SFMBT1: variants seen among roughly 807,000 people sequenced by gnomAD.
SFMBT1 encodes the protein scm-like with four MBT domains protein 1.
SFMBT1 carries 32 observed loss-of-function variants against 108.7 expected under a neutral mutation model. That is an observed-to-expected ratio of 0.29 (90% CI 0.22 to 0.40). SFMBT1 has a LOEUF of 0.40. Among genes scored for constraint, SFMBT1 ranks in the 10% least tolerant of loss-of-function variants. The pLI is 1.00. For synonymous variants in SFMBT1, 348 were observed against 369.5 expected, an observed-to-expected ratio of 0.94 and a Z score of 0.67; for missense variants, 816 against 1,059.6, an observed-to-expected ratio of 0.77 and a Z score of 3.19.
intron 3 of SFMBT1, among the ~76,000 whole-genome samples, chr3:52,944,337 C>A (rs1575391611): frequency 6.6e-6 from 1 of 152,030 alleles, no homozygotes; most frequent in Admixed American, 6.6e-5. Flanking sequence ...GATTGGTAGG[C>A]AGATAGAGAC....
At position 52,913,542 on chromosome 3, in the gene SFMBT1, T is replaced by G. The variant is rs1702265918; in HGVS notation, c.1556A>C (p.Lys519Thr). The change falls in exon 15 of 21, where the codon AAA becomes ACA. Residue 519 changes from lysine (K) to threonine (T), a missense_variant. Lys to Thr is a moderately conservative substitution (Grantham distance 78). Around this residue, in one of 5 missense-constraint regions of SFMBT1, gnomAD observed 16 missense variants for 57.5 expected, o/e 0.28. Coordinates refer to ENST00000394752, the MANE Select transcript of SFMBT1 (RefSeq NM_016329.4). ...TTGAGGCAGCTCAGCAATTCTTCCT[T>G]TGTTAAGATATGGCCCTGAGAAGCA... is the stretch of plus-strand genomic sequence containing the variant. ...HRCFSGPYLNKGRIAELPQCV... is the reference protein window; with the variant it reads ...HRCFSGPYLNTGRIAELPQCV... 6.2e-7 allele frequency: 1 copy of G among 1,614,068 alleles called. No homozygotes were observed. The highest frequency in any genetic ancestry group is 8.5e-7 in the Non-Finnish European group (1 of 1,180,022).
intron 9 of SFMBT1, among the ~76,000 whole-genome samples, chr3:52,927,871 C>T (rs1308639824): frequency 1.3e-5 from 2 of 152,134 alleles, no homozygotes; most frequent in Non-Finnish European, 2.9e-5. Context: ...TCTGCCACCC[C>T]TAACAGACAT....
intron 1 of SFMBT1, among the ~76,000 whole-genome samples, chr3:52,969,734 C>T (rs889048141): frequency 6.6e-6 from 1 of 152,102 alleles, no homozygotes; most frequent in African/African-American, 2.4e-5. Flanking sequence ...CCATAAATAT[C>T]AACTGTATTA....
Position 52,965,758 on chromosome 3 carries a change from G to C in SFMBT1, c.28+3343C>G, listed in dbSNP as rs1174033750. Among the ~76,000 whole-genome samples, 4 of 152,104 alleles carry C rather than the reference G, an allele frequency of 2.6e-5. No individual in the cohort carries two copies. In the South Asian group the frequency reaches 8.3e-4, roughly 31 times the overall value. On this transcript the variant is annotated intron_variant, in intron 2 of 20. Transcript: ENST00000394752. ...GCGGTGGCTCAGGCCTGTAATCCTA[G>C]CACTTTGGGAGGCCGAGGCGGGCAG...
chr3:52,986,145 GAAAA>G (rs34923532), intron 1 of SFMBT1, among the ~76,000 whole-genome samples: 1 of 130,186 alleles, frequency 7.7e-6, no homozygotes, highest in Non-Finnish European at 1.6e-5. Context: ...TCCGTCTCAG[GAAAA>G]AAAAAAAAAA....
chr3:52,906,215 C>T lies in SFMBT1; in HGVS notation c.2358G>A (p.Arg786=), dbSNP rs1448074961. The change falls in exon 20 of 21, where the codon AGG becomes AGA. Residue 786 remains arginine (R), a synonymous_variant. Coordinates refer to ENST00000394752, the MANE Select transcript of SFMBT1 (RefSeq NM_016329.4). ...PKEIRIEVAE[R]LHLDSNPLKW... is the part of the protein sequence containing the mutation. ...TCAAGGGGTTACTGTCCAGGTGAAGCCTTTCAGCAACTTCGATCCTTATTT... is the reference window on the plus strand; with the variant it reads ...TCAAGGGGTTACTGTCCAGGTGAAGTCTTTCAGCAACTTCGATCCTTATTT... The T allele has an allele frequency of 1.2e-6, 2 of 1,613,978 alleles. No homozygotes were observed. The highest frequency in any genetic ancestry group is 1.3e-5 in the African/African-American group (1 of 74,928).
chr3:52,930,906 G>T, intron 7 of SFMBT1, 35 bp downstream of exon 7: 2 of 1,571,026 alleles, frequency 1.3e-6, no homozygotes, highest in South Asian at 2.2e-5. Flanking sequence ...ACTGTAAGGG[G>T]AGCAATACCG....
chr3:52,960,820 G>A (rs950206344), intron 2 of SFMBT1, among the ~76,000 whole-genome samples: 9 of 152,138 alleles, frequency 5.9e-5, no homozygotes, highest in Non-Finnish European at 1.2e-4. Context: ...ACATACAATG[G>A]AATATTATTT....
chr3:52,912,156 C>T (rs1702231684), intron 16 of SFMBT1, among the ~76,000 whole-genome samples: 2 of 151,992 alleles, frequency 1.3e-5, no homozygotes, highest in Non-Finnish European at 2.9e-5. Context: ...CTGATATTAT[C>T]CACAGAACTG....
chr3:53,000,038 A>G (rs562009098), intron 1 of SFMBT1, among the ~76,000 whole-genome samples: 29 of 149,668 alleles, frequency 1.9e-4, no homozygotes, highest in African/African-American at 7.0e-4. Context: ...AATTTTTTGT[A>G]TTTTTAGTAG....
At position 52,950,157 on chromosome 3, in the gene SFMBT1, CCTT is replaced by C. The variant is rs199841213; in HGVS notation, c.123+4157_123+4159del. On this transcript the variant is annotated intron_variant, in intron 3 of 20. Transcript: ENST00000394752. ...ATATGTTAGTGTTTTCTATTTGTTG[CCTT>C]CTTCTTTGTTTCCATTTTGTCTTTC... is the stretch of plus-strand genomic sequence containing the variant. Among the ~76,000 whole-genome samples, 923 of 152,144 alleles carry C rather than the reference CCTT, an allele frequency of 6.1e-3. 79 individuals carry two copies. In the South Asian group the frequency reaches 0.17, roughly 28 times the overall value.
At position 53,034,926 on chromosome 3, in the gene SFMBT1, G is replaced by A. The variant is rs149876415; in HGVS notation, c.-131+10890C>T. ...TGCACTCCAGTCTGGGCGACAGAGCGAGACTCTGTCTCAAAATAATGATAA... is the reference window on the plus strand; with the variant it reads ...TGCACTCCAGTCTGGGCGACAGAGCAAGACTCTGTCTCAAAATAATGATAA... On this transcript the variant is annotated intron_variant, in intron 1 of 20. Transcript: ENST00000394752. Among the ~76,000 whole-genome samples, 730 of 152,318 alleles carry A rather than the reference G, an allele frequency of 4.8e-3. 8 individuals are homozygous for A. Among genetic ancestry groups the A allele is most frequent in the African/African-American group, 0.017 (692 of 41,564 alleles).
intron 1 of SFMBT1, among the ~76,000 whole-genome samples, chr3:53,045,565 G>A (rs1187487347): frequency 1.4e-5 from 2 of 141,984 alleles, no homozygotes; most frequent in African/African-American, 5.0e-5. Flanking sequence ...GCAGCCGGCC[G>A]GCCGGCGCGC....
In SFMBT1 at chr3:52,954,352, C is replaced by G; in HGVS notation, c.88G>C (p.Gly30Arg). The G allele has an allele frequency of 6.2e-7, 1 of 1,613,866 alleles. No homozygotes were observed. The highest frequency in any genetic ancestry group is 8.5e-7 in the Non-Finnish European group (1 of 1,179,918). ...LSWEDYLEET[G>R]STAVPYGSFK... ...GACCCATAGGGAACTGCTGTGGACC[C>G]TGTTTCTTCTAGATAATCTTCCCAG... is the stretch of plus-strand genomic sequence containing the variant. Residue 30 changes from glycine to arginine, a missense_variant, in exon 3 of 21, where the codon GGG becomes CGG. By Grantham distance (125) the Gly-to-Arg change is moderately radical (BLOSUM62 -2). This residue lies in a region of SFMBT1 where 495 missense variants were observed against 607.4 expected (regional missense o/e 0.81). Coordinates refer to ENST00000394752, the MANE Select transcript of SFMBT1 (RefSeq NM_016329.4).
In SFMBT1 at chr3:53,006,628, C is replaced by CAAAAAAAA. The variant is rs145854514; in HGVS notation, c.-130-37378_-130-37371dup. Among the ~76,000 whole-genome samples the CAAAAAAAA allele has an allele frequency of 3.6e-4, 45 of 126,334 alleles. 1 individual carries two copies. The highest frequency in any genetic ancestry group is 1.5e-3 in the African/African-American group (44 of 29,764). 82.9% of individuals were successfully genotyped at this position (126,334 alleles called of 152,430 possible). ...TGGGCGACAGAGCAAAACTCCGTCT[C>CAAAAAAAA]AAAAAAAAAAAAAGTATACAGGAGG... On this transcript the variant is annotated intron_variant, in intron 1 of 20. Coordinates refer to ENST00000394752, the MANE Select transcript of SFMBT1 (RefSeq NM_016329.4).
intron 4 of SFMBT1, among the ~76,000 whole-genome samples, chr3:52,941,144 C>G (rs949510875): frequency 1.3e-5 from 2 of 152,020 alleles, no homozygotes; most frequent in Admixed American, 1.3e-4. Flanking sequence ...TTATTGGGAC[C>G]AGGATAGAAT....
intron 8 of SFMBT1, 52 bp from the exon 9 acceptor site, chr3:52,928,393 C>CA: frequency 6.3e-7 from 1 of 1,578,062 alleles, no homozygotes; most frequent in Non-Finnish European, 8.6e-7. Flanking sequence ...TATATATGTG[C>CA]TTTCTCCTTG....
At chr3:52,927,501 A>G (rs779389888) in intron 9 of SFMBT1, among the ~76,000 whole-genome samples, 82 of 152,350 alleles carry the variant, frequency 5.4e-4, no homozygotes, top group Non-Finnish European at 9.4e-4. Context: ...TAGACTGCCA[A>G]TCAAATAATC....
intron 1 of SFMBT1, among the ~76,000 whole-genome samples, chr3:53,033,222 G>A (rs964762967): frequency 1.5e-4 from 23 of 151,652 alleles, no homozygotes; most frequent in Non-Finnish European, 2.4e-4. Flanking sequence ...GTGCAGTGGC[G>A]CAATCTCGGC....
Sources: allele counts gnomAD v4.1 joint callset (sites outside exome capture counted in the v4.1 genomes callset), GRCh38; gene constraint gnomAD v4.1.1; regional missense constraint gnomAD v4.1.1; transcripts MANE v1.5; gene names NCBI Gene and HGNC (gene_info 2026-07-23, HGNC 2026-07-21).